RSRC1: variants seen among roughly 807,000 people sequenced by gnomAD.
RSRC1 encodes serine/Arginine-related protein 53.
Under a neutral mutation model 49.1 loss-of-function variants are expected in RSRC1, and 39 were observed. The observed-to-expected ratio is 0.79, with a 90% confidence interval of 0.61 to 1.04. RSRC1 has a LOEUF of 1.04. Ranked by LOEUF, RSRC1 falls within the 50% of genes least tolerant of loss-of-function variation. The probability of loss-of-function intolerance (pLI) is 0.00; values close to 1 mark genes in which losing one functional copy is unlikely to be tolerated. For synonymous variants in RSRC1, 143 were observed against 130.8 expected (o/e 1.09, Z -0.63); for missense variants, 388 against 402.4 (o/e 0.96, Z 0.31).
intron 4 of RSRC1, among the ~76,000 whole-genome samples, chr3:158,212,340 A>G (rs1721724407): frequency 6.6e-6 from 1 of 151,720 alleles, no homozygotes; most frequent in Non-Finnish European, 1.5e-5. Context: ...ACATACATAC[A>G]CTACTTCCAT....
chr3:158,158,938 C>CAA (rs11340589), intron 3 of RSRC1, among the ~76,000 whole-genome samples: 3 of 119,374 alleles, frequency 2.5e-5, no homozygotes, highest in African/African-American at 3.1e-5. Flanking sequence ...GACTCTGTCT[C>CAA]AAAAAAAAAA....
At chr3:158,529,214 G>GTGTGTATATATA (rs374368016) in intron 7 of RSRC1, among the ~76,000 whole-genome samples, 6,748 of 142,956 alleles carry the variant, frequency 0.047, 172 homozygotes, top group South Asian at 0.097. Flanking sequence ...ATGTGTGTGT[G>GTGTGTATATATA]TATATATATA....
At chr3:158,400,109 A>T (rs145898174) in intron 6 of RSRC1, among the ~76,000 whole-genome samples, 293 of 152,246 alleles carry the variant, frequency 1.9e-3, no homozygotes, top group African/African-American at 6.0e-3. Flanking sequence ...GTCATACCAC[A>T]TAACGATGTT....
At chr3:158,118,616 C>T (rs894661040) in intron 1 of RSRC1, among the ~76,000 whole-genome samples, 1 of 151,998 alleles carries the variant, frequency 6.6e-6, no homozygotes, top group African/African-American at 2.4e-5. Context: ...AAGTTTTCTT[C>T]TGTATGTTCT....
At chr3:158,436,796 T>G (rs1578476029) in intron 6 of RSRC1, among the ~76,000 whole-genome samples, 2 of 152,002 alleles carry the variant, frequency 1.3e-5, no homozygotes, top group East Asian at 3.9e-4. Context: ...ATAATACTAT[T>G]GTGAGTGGTT....
rs906828650 is a variant in RSRC1 at position 158,540,336 on chromosome 3, A to T, written c.760-2999A>T. Among the ~76,000 whole-genome samples the T allele has an allele frequency of 1.3e-5, 2 of 152,214 alleles. 1 individual carries two copies. Among genetic ancestry groups the T allele is most frequent in the South Asian group, 4.1e-4 (2 of 4,830 alleles). On this transcript the variant is annotated intron_variant, in intron 8 of 9. Coordinates refer to ENST00000611884, the MANE Select transcript of RSRC1 (RefSeq NM_001271838.2). ...TTTATTTAAATGTCTATAAAAGTTA[A>T]TATTATCATTAACACTGGCATCATT... is the stretch of plus-strand genomic sequence containing the variant.
rs183116662 is a variant in RSRC1 at position 158,347,190 on chromosome 3, A to G, written c.532-7667A>G. 9.8e-5 allele frequency among the ~76,000 whole-genome samples: 15 copies of G among 152,324 alleles called. No homozygotes were observed. In the East Asian group the frequency reaches 2.9e-3, roughly 29 times the overall value. ...GACTCTCTCTCTCTGATTATACTGT[A>G]AGATCCTTGAAGTCAGGAACTATAT... On this transcript the variant is annotated intron_variant, in intron 5 of 9. Transcript: ENST00000611884.
intron 7 of RSRC1, among the ~76,000 whole-genome samples, chr3:158,483,418 T>C (rs1738694813): frequency 6.6e-6 from 1 of 152,054 alleles, no homozygotes; most frequent in Non-Finnish European, 1.5e-5. Context: ...CCATTGAATA[T>C]GGTAAAAATA....
intron 3 of RSRC1, among the ~76,000 whole-genome samples, chr3:158,197,330 G>A (rs941784718): frequency 2.6e-5 from 4 of 152,164 alleles, no homozygotes; most frequent in Non-Finnish European, 5.9e-5. Flanking sequence ...TTGTATTTCT[G>A]TGGGATTGGT....
At chr3:158,450,097 T>C (rs1284541651) in intron 6 of RSRC1, among the ~76,000 whole-genome samples, 1 of 152,006 alleles carries the variant, frequency 6.6e-6, no homozygotes. Flanking sequence ...CCCTTGTAGT[T>C]CATGCCTTCT....
chr3:158,357,920 T>C (rs1731247358), intron 6 of RSRC1, among the ~76,000 whole-genome samples: 1 of 152,204 alleles, frequency 6.6e-6, no homozygotes, highest in African/African-American at 2.4e-5. Flanking sequence ...TATGTAGAAA[T>C]CCTACGATTA....
chr3:158,455,445 A>G (rs773340549), intron 6 of RSRC1, among the ~76,000 whole-genome samples: 1 of 152,106 alleles, frequency 6.6e-6, no homozygotes, highest in Non-Finnish European at 1.5e-5. Context: ...TACTTCCCCA[A>G]ATCATTTAAA....
At chr3:158,425,399 T>A (rs71445728) in intron 6 of RSRC1, among the ~76,000 whole-genome samples, 1 of 152,062 alleles carries the variant, frequency 6.6e-6, no homozygotes, top group Non-Finnish European at 1.5e-5. Flanking sequence ...TTTGAGTGAG[T>A]TTCGTAATCC....
intron 6 of RSRC1, among the ~76,000 whole-genome samples, chr3:158,456,451 A>C (rs1737322258): frequency 6.6e-6 from 1 of 152,158 alleles, no homozygotes; most frequent in Non-Finnish European, 1.5e-5. Flanking sequence ...AAGATACATG[A>C]AGTAAACACT....
chr3:158,180,697 G>C (rs1297716143), intron 3 of RSRC1, among the ~76,000 whole-genome samples: 1 of 151,336 alleles, frequency 6.6e-6, no homozygotes, highest in Non-Finnish European at 1.5e-5. Flanking sequence ...TCAACTCCTG[G>C]ACTCAAGTGA....
intron 6 of RSRC1, among the ~76,000 whole-genome samples, chr3:158,445,344 G>T (rs1736642364): frequency 6.6e-6 from 1 of 152,130 alleles, no homozygotes; most frequent in Non-Finnish European, 1.5e-5. Context: ...GTGAGTTCAT[G>T]TCCTTTGTAG....
At chr3:158,154,933 A>C (rs981440809) in intron 3 of RSRC1, among the ~76,000 whole-genome samples, 1 of 151,920 alleles carries the variant, frequency 6.6e-6, no homozygotes, top group Non-Finnish European at 1.5e-5. Flanking sequence ...ATAAGAAGCA[A>C]CTCTTCATTT....
At chr3:158,510,832 A>T (rs949628207) in intron 7 of RSRC1, among the ~76,000 whole-genome samples, 1 of 152,102 alleles carries the variant, frequency 6.6e-6, no homozygotes, top group Non-Finnish European at 1.5e-5. Context: ...TTCTATGAAT[A>T]ATTGGTTATT....
intron 4 of RSRC1, among the ~76,000 whole-genome samples, chr3:158,208,417 G>A (rs1721470657): frequency 6.6e-6 from 1 of 152,152 alleles, no homozygotes; most frequent in African/African-American, 2.4e-5. Context: ...AGGCTGGAGT[G>A]CAGGGATGTG....
Sources: gnomAD v4.1 joint callset for allele counts (sites outside exome capture counted in the v4.1 genomes callset) on GRCh38, gnomAD v4.1.1 for gene constraint, MANE v1.5 for transcripts, NCBI Gene and HGNC (gene_info 2026-07-23, HGNC 2026-07-21) for gene names.